EYS: variants seen among roughly 807,000 people sequenced by gnomAD.
EYS encodes protein eyes shut homolog.
A neutral mutation model predicts 282.1 loss-of-function variants in EYS; 250 were observed. That is an observed-to-expected ratio of 0.89 (90% CI 0.80 to 0.98). The LOEUF is 0.98. EYS is among the 50% of genes least tolerant of loss of function. The pLI is 0.00. For synonymous variants in EYS, 1,355 were observed against 1,282.9 expected (o/e 1.06, Z -1.20); for missense variants, 4,016 against 3,709.0 (o/e 1.08, Z -2.15).
At chr6:64,239,872 GT>G (rs1315153959) in intron 30 of EYS, among the ~76,000 whole-genome samples, 1 of 152,104 alleles carries the variant, frequency 6.6e-6, no homozygotes, top group Admixed American at 6.5e-5. Flanking sequence ...TTCTTCTAGG[GT>G]TTTTATGATT....
At chr6:64,460,463 G>A (rs1176990330) in intron 26 of EYS, among the ~76,000 whole-genome samples, 2 of 152,130 alleles carry the variant, frequency 1.3e-5, no homozygotes, top group African/African-American at 2.4e-5. Context: ...ACACACATTG[G>A]AAAATCTCAT....
intron 28 of EYS, among the ~76,000 whole-genome samples, chr6:64,389,442 G>A (rs1231425858): frequency 6.6e-6 from 1 of 152,146 alleles, no homozygotes; most frequent in Non-Finnish European, 1.5e-5. Context: ...ATATGCATGT[G>A]TCATTTACTC....
chr6:65,017,447 G>A lies in EYS; in HGVS notation c.2138-19744C>T, dbSNP rs73765718. The stretch of plus-strand genomic sequence containing the variant: ...AACATTAATATCCATGTTCATGTAT[G>A]TTCTTTCTTGACCTCATTAAATAGC... On this transcript the variant is annotated intron_variant, in intron 13 of 42. Transcript: ENST00000503581. Among the ~76,000 whole-genome samples, 963 of 152,158 alleles carry A rather than the reference G, an allele frequency of 6.3e-3. 18 individuals are homozygous for A. The highest frequency in any genetic ancestry group is 0.021 in the African/African-American group (862 of 41,496).
At chr6:64,842,514 G>A (rs1405165778) in intron 19 of EYS, among the ~76,000 whole-genome samples, 1 of 151,930 alleles carries the variant, frequency 6.6e-6, no homozygotes, top group African/African-American at 2.4e-5. Context: ...GAGCTCAGGA[G>A]AAGACAGAAA....
intron 5 of EYS, among the ~76,000 whole-genome samples, chr6:65,446,307 A>G (rs1222090280): frequency 1.3e-5 from 2 of 151,906 alleles, no homozygotes; most frequent in Non-Finnish European, 2.9e-5. Context: ...CAATAATTAT[A>G]GCTAATTAAT....
At chr6:64,405,514 A>G (rs1436567785) in intron 28 of EYS, among the ~76,000 whole-genome samples, 2 of 152,222 alleles carry the variant, frequency 1.3e-5, no homozygotes, top group African/African-American at 4.8e-5. Context: ...AGTATATTCA[A>G]TTAGCAAAAG....
chr6:64,655,701 T>C (rs559014113), intron 22 of EYS, among the ~76,000 whole-genome samples: 6 of 151,976 alleles, frequency 3.9e-5, no homozygotes, highest in African/African-American at 7.2e-5. Flanking sequence ...ATATATATAA[T>C]AAGTCATGGA....
At chr6:64,665,007 CAT>C (rs1315876685) in intron 22 of EYS, among the ~76,000 whole-genome samples, 4 of 152,112 alleles carry the variant, frequency 2.6e-5, no homozygotes, top group Non-Finnish European at 4.4e-5. Context: ...TATTTCTGCA[CAT>C]GTGTGAAAAA....
Position 63,721,219 on chromosome 6 carries a change from G to A in EYS, c.8812C>T (p.Leu2938=), listed in dbSNP as rs1028647946. 1 of 1,551,674 alleles carries A rather than the reference G, an allele frequency of 6.4e-7. No individual in the cohort carries two copies. Among genetic ancestry groups the A allele is most frequent in the Non-Finnish European group, 8.7e-7 (1 of 1,146,922 alleles). Residue 2938 remains leucine (L), a synonymous_variant, in exon 43 of 43, where the codon CTG becomes TTG. Transcript: ENST00000503581. ...CTTCCCACCCAACCCAAAGTACACA[G>A]GCAACTGTAAGAAAATGATTGGTCA... The part of the protein sequence containing the change: ...IPDQSFSYSC[L]CTLGWVGRYC...
At chr6:64,513,318 T>A (rs1777465425) in intron 26 of EYS, among the ~76,000 whole-genome samples, 1 of 151,968 alleles carries the variant, frequency 6.6e-6, no homozygotes, top group African/African-American at 2.4e-5. Context: ...AAACGTACTG[T>A]TTTTCTTTTA....
intron 12 of EYS, among the ~76,000 whole-genome samples, chr6:65,201,080 A>G (rs544549389): frequency 1.3e-5 from 2 of 152,258 alleles, no homozygotes; most frequent in Non-Finnish European, 2.9e-5. Context: ...ATAACTATCT[A>G]TTGACGATAT....
intron 31 of EYS, among the ~76,000 whole-genome samples, chr6:64,150,923 A>G (rs1377184295): frequency 6.6e-6 from 1 of 152,166 alleles, no homozygotes; most frequent in East Asian, 1.9e-4. Context: ...GGAACTTGTC[A>G]TCTTCATACT....
intron 29 of EYS, among the ~76,000 whole-genome samples, chr6:64,314,135 G>C (rs1769837966): frequency 7.8e-6 from 1 of 127,880 alleles, no homozygotes; most frequent in Admixed American, 9.6e-5. Flanking sequence ...TTCATGTGCA[G>C]AGACACACAC....
chr6:64,441,148 G>A lies in EYS; in HGVS notation c.5645-1796C>T, dbSNP rs1019586927. Among the ~76,000 whole-genome samples the A allele has an allele frequency of 6.5e-4, 99 of 152,156 alleles. 1 individual carries two copies. The highest frequency in any genetic ancestry group is 2.2e-3 in the African/African-American group (92 of 41,454). The stretch of plus-strand genomic sequence containing the variant: ...TTGTTTTAAGAAGGGACAAGACTAC[G>A]TTGAAGATGAAGTCCTTAGTGACTG... On this transcript the variant is annotated intron_variant, in intron 26 of 42. Coordinates refer to ENST00000503581, the MANE Select transcript of EYS (RefSeq NM_001142800.2).
intron 31 of EYS, among the ~76,000 whole-genome samples, chr6:64,212,225 GGAA>G (rs1297814491): frequency 2.6e-5 from 4 of 151,740 alleles, no homozygotes; most frequent in African/African-American, 9.7e-5. Flanking sequence ...GAGAAAATCT[GGAA>G]GTATATAATT....
intron 31 of EYS, among the ~76,000 whole-genome samples, chr6:64,204,702 G>A (rs901802378): frequency 6.6e-6 from 1 of 152,116 alleles, no homozygotes; most frequent in Admixed American, 6.6e-5. Context: ...CTGGGGAAGG[G>A]ATTCATTATG....
At chr6:64,931,581 C>A (rs1562263937) in intron 15 of EYS, among the ~76,000 whole-genome samples, 2 of 152,002 alleles carry the variant, frequency 1.3e-5, no homozygotes, top group Admixed American at 1.3e-4. Flanking sequence ...TAAAAAGATT[C>A]ATCATTTATA....
chr6:63,769,621 T>C (rs959686099), intron 40 of EYS, among the ~76,000 whole-genome samples: 1 of 152,138 alleles, frequency 6.6e-6, no homozygotes, highest in Non-Finnish European at 1.5e-5. Context: ...CTCATCATGA[T>C]AGTAAATCAA....
intron 11 of EYS, among the ~76,000 whole-genome samples, chr6:65,296,708 T>G (rs35013977): frequency 0.082 from 12,383 of 151,886 alleles, 668 homozygotes; most frequent in African/African-American, 0.14. Context: ...ATTCATTATT[T>G]TAGTTTTTTA....
Sources: allele counts gnomAD v4.1 joint callset (sites outside exome capture counted in the v4.1 genomes callset), GRCh38; gene constraint gnomAD v4.1.1; transcripts MANE v1.5; gene names NCBI Gene and HGNC (gene_info 2026-07-23, HGNC 2026-07-21).